GAB2: variants seen among roughly 807,000 people sequenced by gnomAD.
GAB2 encodes GRB2 associated binding protein 2, also known as GRB2-associated-binding protein 2.
GAB2 carries 26 observed loss-of-function variants against 65.5 expected under a neutral mutation model. That is an observed-to-expected ratio of 0.40 (90% confidence interval 0.29 to 0.55). The LOEUF is 0.55. Ranked by LOEUF, GAB2 falls within the 20% of genes least tolerant of loss-of-function variation. GAB2 has a pLI of 0.53. For missense variants in GAB2, 884 were observed against 875.8 expected (o/e 1.01, Z -0.12); for synonymous variants, 321 against 329.6 (o/e 0.97, Z 0.28).
chr11:78,234,999 C>T (rs570352532), intron 3 of GAB2, among the ~76,000 whole-genome samples: 38 of 152,064 alleles, frequency 2.5e-4, no homozygotes, highest in African/African-American at 8.7e-4. Flanking sequence ...GACAGAGCGA[C>T]AGACTTTCTC....
intron 1 of GAB2, among the ~76,000 whole-genome samples, chr11:78,324,273 G>GGTAT (rs1565159832): frequency 6.6e-6 from 1 of 151,986 alleles, no homozygotes; most frequent in Non-Finnish European, 1.5e-5. Flanking sequence ...AGCTCCCTTC[G>GGTAT]GTATCATCCT....
intron 2 of GAB2, among the ~76,000 whole-genome samples, chr11:78,262,816 A>G (rs557193190): frequency 1.8e-4 from 27 of 152,360 alleles, no homozygotes; most frequent in African/African-American, 6.3e-4. Context: ...TACTGAGTAC[A>G]TTATTTGAGC....
intron 1 of GAB2, among the ~76,000 whole-genome samples, chr11:78,351,121 G>A (rs558942683): frequency 3.3e-5 from 5 of 152,306 alleles, no homozygotes; most frequent in African/African-American, 1.2e-4. Flanking sequence ...GAACAAGGGA[G>A]CCAGAGTTCC....
chr11:78,297,867 A>T (rs1866882611), intron 1 of GAB2, among the ~76,000 whole-genome samples: 1 of 152,178 alleles, frequency 6.6e-6, no homozygotes, highest in Non-Finnish European at 1.5e-5. Context: ...CATAAAGTGT[A>T]TATATAGCAT....
intron 1 of GAB2, among the ~76,000 whole-genome samples, chr11:78,349,319 T>TG (rs1565169223): frequency 6.6e-6 from 1 of 151,950 alleles, no homozygotes; most frequent in Non-Finnish European, 1.5e-5. Flanking sequence ...AGAAAATGAG[T>TG]GGTATTGCAA....
At chr11:78,280,254 T>C (rs191553018) in intron 2 of GAB2, among the ~76,000 whole-genome samples, 30 of 152,160 alleles carry the variant, frequency 2.0e-4, no homozygotes, top group Admixed American at 1.9e-3. Context: ...GGTGAGACCT[T>C]CCCTATGGGA....
At chr11:78,323,508 T>A (rs1256492268) in intron 1 of GAB2, among the ~76,000 whole-genome samples, 1 of 151,384 alleles carries the variant, frequency 6.6e-6, no homozygotes, top group African/African-American at 2.4e-5. Context: ...AGGCTCCGTC[T>A]CCCCAATTCA....
chr11:78,323,494 A>G (rs1472981840), intron 1 of GAB2, among the ~76,000 whole-genome samples: 1 of 152,124 alleles, frequency 6.6e-6, no homozygotes, highest in Non-Finnish European at 1.5e-5. Flanking sequence ...TGGGCAACAG[A>G]GCAAGGCTCC....
chr11:78,385,571 G>A lies in GAB2; in HGVS notation c.75+32075C>T, dbSNP rs550615756. On this transcript the variant is annotated intron_variant, in intron 1 of 9. Coordinates refer to ENST00000361507, the MANE Select transcript of GAB2 (RefSeq NM_080491.3). The stretch of plus-strand genomic sequence containing the variant: ...AGCCCTTTAAATGTCATGAATGTGG[G>A]AAAATATTCATTCACAAATCCAACC... Among the ~76,000 whole-genome samples, 3 of 152,296 alleles carry A rather than the reference G, an allele frequency of 2.0e-5. No homozygotes were observed. The East Asian group carries it at 5.8e-4, about 29-fold the overall frequency.
chr11:78,294,288 G>A (rs1866764684), intron 1 of GAB2, among the ~76,000 whole-genome samples: 1 of 152,126 alleles, frequency 6.6e-6, no homozygotes. Context: ...GTGTATATGT[G>A]CCACATTTTC....
chr11:78,315,920 C>T (rs74324591), intron 1 of GAB2, among the ~76,000 whole-genome samples: 2,476 of 152,216 alleles, frequency 0.016, 65 homozygotes, highest in African/African-American at 0.056. Flanking sequence ...AAGGAAGAGT[C>T]ACCCTTAATA....
At chr11:78,247,253 T>C (rs936332199) in intron 3 of GAB2, among the ~76,000 whole-genome samples, 9 of 152,336 alleles carry the variant, frequency 5.9e-5, no homozygotes, top group East Asian at 1.9e-4. Flanking sequence ...TCTTTGGGTA[T>C]TGCACTTTGG....
intron 3 of GAB2, among the ~76,000 whole-genome samples, chr11:78,227,811 C>A (rs543457151): frequency 6.6e-6 from 1 of 152,068 alleles, no homozygotes; most frequent in East Asian, 1.9e-4. Context: ...AAAAAACACA[C>A]GCCCCAACAC....
chr11:78,415,853 C>T (rs1285832021), intron 1 of GAB2, among the ~76,000 whole-genome samples: 4 of 151,784 alleles, frequency 2.6e-5, no homozygotes, highest in Non-Finnish European at 5.9e-5. Flanking sequence ...AATGTAGATA[C>T]AGTGTCATAC....
intron 1 of GAB2, among the ~76,000 whole-genome samples, chr11:78,382,543 T>G (rs923327289): frequency 2.0e-5 from 3 of 151,944 alleles, no homozygotes; most frequent in African/African-American, 7.3e-5. Context: ...TAAATAACAA[T>G]AGGGATACTT....
chr11:78,347,178 G>T lies in GAB2; in HGVS notation c.76-66277C>A, dbSNP rs1015818002. On this transcript the variant is annotated intron_variant, in intron 1 of 9. Transcript: ENST00000361507. ...TATCAAGAGGGCACCAAAAAAAGTT[G>T]TATTTAAAGCTTTTGAGATACAGAC... 3.3e-5 allele frequency among the ~76,000 whole-genome samples: 5 copies of T among 152,218 alleles called. No individual in the cohort carries two copies. The East Asian group carries it at 5.8e-4, about 18-fold the overall frequency.
intron 1 of GAB2, among the ~76,000 whole-genome samples, chr11:78,299,254 TGG>T: frequency 6.6e-6 from 1 of 152,354 alleles, no homozygotes; most frequent in East Asian, 1.9e-4. Context: ...TGTGAACTTA[TGG>T]GGGAAAATAA....
intron 1 of GAB2, among the ~76,000 whole-genome samples, chr11:78,325,003 G>C (rs1855797204): frequency 6.6e-6 from 1 of 152,152 alleles, no homozygotes; most frequent in South Asian, 2.1e-4. Flanking sequence ...GTCATGGTGT[G>C]AATATTTACA....
At chr11:78,307,604 T>TAGAGAGAGAGAGAGAG (rs59402607) in intron 1 of GAB2, among the ~76,000 whole-genome samples, 9,845 of 121,162 alleles carry the variant, frequency 0.081, 563 homozygotes, top group East Asian at 0.22. Flanking sequence ...CAAAAAATGT[T>TAGAGAGAGAGAGAGAG]AGAGAGAGAG....
Sources: allele counts gnomAD v4.1 joint callset (sites outside exome capture counted in the v4.1 genomes callset), GRCh38; gene constraint gnomAD v4.1.1; transcripts MANE v1.5; gene names NCBI Gene and HGNC (gene_info 2026-07-23, HGNC 2026-07-21).